TEKT1: variants seen among roughly 807,000 people sequenced by gnomAD.
TEKT1 encodes tektin 1, also known as tektin-1.
In TEKT1, 32 loss-of-function variants were observed where a neutral mutation model predicts 34.8. The observed-to-expected ratio is 0.92, with a 90% CI of 0.69 to 1.23. The LOEUF (loss-of-function observed/expected upper bound fraction) is 1.23, where lower values mean the gene tolerates loss of function less well. TEKT1 is among the 50% of genes most tolerant of loss of function. The probability of loss-of-function intolerance (pLI) is 0.00; values close to 1 mark genes in which losing one functional copy is unlikely to be tolerated. For missense variants in TEKT1, 492 were observed against 518.5 expected, an observed-to-expected ratio of 0.95 and a Z score of 0.50; for synonymous variants, 207 against 199.8, an observed-to-expected ratio of 1.04 and a Z score of -0.30.
chr17:6,822,394 C>T lies in TEKT1; in HGVS notation c.191-3036G>A, dbSNP rs532691752. ...TCAACTGATCTTCCTATTTTGGCTT[C>T]CCAAAGTGCTGGGATTCCAGGTGTG... On this transcript the variant is annotated intron_variant, in intron 2 of 7. Coordinates refer to ENST00000338694, the MANE Select transcript of TEKT1 (RefSeq NM_053285.2). Among the ~76,000 whole-genome samples the T allele has an allele frequency of 1.1e-3, 173 of 152,288 alleles. 2 individuals carry two copies. In the South Asian group the frequency reaches 0.025, roughly 22 times the overall value.
chr17:6,830,515 AATCT>A (rs1360911127), intron 1 of TEKT1, 122 bp from the exon 2 acceptor site: 1 of 721,994 alleles, frequency 1.4e-6, no homozygotes, highest in Non-Finnish European at 2.1e-6. Context: ...ACACAAAATA[AATCT>A]ATCTGTGTAG....
chr17:6,816,079 C>G, intron 3 of TEKT1, 117 bp from the exon 4 acceptor site: 1 of 1,369,934 alleles, frequency 7.3e-7, no homozygotes, highest in Non-Finnish European at 9.9e-7. Flanking sequence ...TCACCCGATC[C>G]ATCCGATGAC....
At position 6,799,096 on chromosome 17, in the gene TEKT1, T is replaced by C. The variant is rs1433073397; in HGVS notation, c.*931A>G. On this transcript the variant is annotated 3_prime_UTR_variant, in exon 8 of 8. Transcript: ENST00000338694. Reference sequence around the variant, plus strand: ...GAGCAGTTTCCCACAGCAAATGTCTTCCTTTGACAGTCACCCACATAGATC... The same window carrying C: ...GAGCAGTTTCCCACAGCAAATGTCTCCCTTTGACAGTCACCCACATAGATC... 6.6e-6 allele frequency: 1 copy of C among 152,176 alleles called. No individual in the cohort carries two copies. Among genetic ancestry groups the C allele is most frequent in the African/African-American group, 2.4e-5 (1 of 41,438 alleles). The allele number at this position is 152,176 out of a possible 1,614,324, so 9.4% of individuals were successfully genotyped here. A position where few individuals can be genotyped will look rare whatever the true frequency, so the allele number is the denominator to read the frequency against.
chr17:6,807,283 G>A (rs542497538), intron 6 of TEKT1, among the ~76,000 whole-genome samples: 40 of 151,964 alleles, frequency 2.6e-4, no homozygotes, highest in African/African-American at 7.2e-4. Flanking sequence ...TTGTGCATTC[G>A]TCACGTAGTT....
Position 6,800,878 on chromosome 17 carries a change from T to G in TEKT1, c.918A>C (p.Gln306His). 1 of 1,614,154 alleles carries G rather than the reference T, an allele frequency of 6.2e-7. No individual in the cohort carries two copies. Among genetic ancestry groups the G allele is most frequent in the South Asian group, 1.1e-5 (1 of 91,074 alleles). The change falls in exon 7 of 8, where the codon CAA (glutamine) becomes CAC (histidine). Residue 306 changes from glutamine (Q) to histidine (H), a missense_variant. Physicochemically the swap from Gln to His is conservative, Grantham distance 24. Coordinates refer to ENST00000338694, the MANE Select transcript of TEKT1 (RefSeq NM_053285.2). ...ITALEKAILD[Q>H]EGPAKVAHTR... is the part of the protein sequence containing the mutation. ...TATGAGCCACCTTGGCTGGCCCTTC[T>G]TGGTCAAGGATGGCCTTTTCAAGAG...
chr17:6,831,041 G>GAGC (rs200631797), intron 1 of TEKT1, among the ~76,000 whole-genome samples: 3,087 of 152,132 alleles, frequency 0.02, 98 homozygotes, highest in African/African-American at 0.07. Context: ...GGAGGAGGAG[G>GAGC]AGGAGGAGGA....
rs575697757 is a variant in TEKT1, at chr17:6,799,941, G to T, written c.*86C>A. ...AGAGGTTGCAGCAGGCTGGCTAGAG[G>T]CCCCGCCAGCCTGAAATGAGAGCTC... is the stretch of plus-strand genomic sequence containing the variant. On this transcript the variant is annotated 3_prime_UTR_variant, in exon 8 of 8. Transcript: ENST00000338694. 11 of 1,339,380 alleles carry T rather than the reference G, an allele frequency of 8.2e-6. No individual in the cohort carries two copies. Among genetic ancestry groups the T allele is most frequent in the African/African-American group, 1.5e-5 (1 of 68,338 alleles). 83.0% of individuals were successfully genotyped at this position (1,339,380 alleles called of 1,614,324 possible).
intron 1 of TEKT1, among the ~76,000 whole-genome samples, chr17:6,830,622 A>G (rs1904550920): frequency 6.6e-6 from 1 of 152,114 alleles, no homozygotes; most frequent in Non-Finnish European, 1.5e-5. Context: ...CAGTATCCTG[A>G]CTTTTAACAC....
At position 6,819,192 on chromosome 17, in the gene TEKT1, C is replaced by T. The variant is rs773973335; in HGVS notation, c.356+1G>A. 4 of 1,611,334 alleles carry T rather than the reference C, an allele frequency of 2.5e-6. No homozygotes were observed. The East Asian group carries it at 6.7e-5, about 27-fold the overall frequency. The stretch of plus-strand genomic sequence containing the variant: ...ATCATTTGAGGGACCTTCGCTCCTA[C>T]CTGTATGCCAGGCATGTCTCAGTGA... On this transcript the variant is annotated splice_donor_variant, in intron 3 of 7. Transcript: ENST00000338694. LOFTEE classifies it high-confidence loss of function.
intron 7 of TEKT1, 49 bp from the exon 8 acceptor site, chr17:6,800,283 C>T (rs1976752103): frequency 1.3e-6 from 2 of 1,556,178 alleles, no homozygotes; most frequent in South Asian, 1.2e-5. Context: ...CTATGCATTG[C>T]TTTTTCAAGG....
chr17:6,828,846 C>T (rs982361158), intron 2 of TEKT1, among the ~76,000 whole-genome samples: 3 of 151,982 alleles, frequency 2.0e-5, no homozygotes, highest in Middle Eastern at 3.4e-3. Flanking sequence ...TGCTAAAGAA[C>T]GCTACCTTTT....
chr17:6,828,921 C>T (rs548972587), intron 2 of TEKT1, among the ~76,000 whole-genome samples: 3 of 152,048 alleles, frequency 2.0e-5, no homozygotes, highest in South Asian at 2.1e-4. Flanking sequence ...GAGGCTGAGG[C>T]GGGCGGACCA....
At chr17:6,821,422 C>T (rs1467600827) in intron 2 of TEKT1, among the ~76,000 whole-genome samples, 3 of 152,214 alleles carry the variant, frequency 2.0e-5, no homozygotes, top group East Asian at 3.8e-4. Context: ...TTCTCTTAGC[C>T]TTCCACCATG....
intron 4 of TEKT1, 57 bp from the exon 5 acceptor site, chr17:6,815,363 G>T: frequency 2.5e-6 from 4 of 1,608,940 alleles, no homozygotes; most frequent in Non-Finnish European, 3.4e-6. Flanking sequence ...TGGCACCCAC[G>T]TCCTCAGAGA....
chr17:6,813,085 A>C (rs746652090), intron 5 of TEKT1, 32 bp from the exon 6 acceptor site: 6 of 1,589,106 alleles, frequency 3.8e-6, no homozygotes, highest in Admixed American at 1.7e-5. Flanking sequence ...CATTCACAGC[A>C]TATTTGGGGT....
chr17:6,803,991 G>A (rs181111611), intron 6 of TEKT1, among the ~76,000 whole-genome samples: 6,775 of 152,154 alleles, frequency 0.045, 221 homozygotes, highest in Admixed American at 0.064. Flanking sequence ...TTCCAATTCA[G>A]TGAAGAAAGT....
At chr17:6,815,747 T>A in intron 4 of TEKT1, 87 bp downstream of exon 4, 1 of 1,570,454 alleles carries the variant, frequency 6.4e-7, no homozygotes, top group Non-Finnish European at 8.6e-7. Context: ...CCCCTTTCTT[T>A]CTGTGCCATG....
Position 6,800,961 on chromosome 17 carries a change from A to T in TEKT1, c.853-18T>A. ...TCCATGACCTTACAAAAAGGATTAG[A>T]GTAGGTGAGGCCAAGCTGTGCTCCT... On this transcript the variant is annotated intron_variant, in intron 6 of 7. Transcript: ENST00000338694. The T allele has an allele frequency of 6.2e-7, 1 of 1,603,620 alleles. No individual in the cohort carries two copies. The highest frequency in any genetic ancestry group is 8.5e-7 in the Non-Finnish European group (1 of 1,173,768).
chr17:6,798,036 G>T lies in TEKT1; in HGVS notation c.*1991C>A, dbSNP rs570085905. On this transcript the variant is annotated 3_prime_UTR_variant, in exon 8 of 8. Coordinates refer to ENST00000338694, the MANE Select transcript of TEKT1 (RefSeq NM_053285.2). ...CTTTATTGAAATCTTAGATGTTTCC[G>T]CATTTTATGTCTACATGTTGAGAAA... 3.3e-5 allele frequency: 5 copies of T among 152,194 alleles called. No homozygotes were observed. Among genetic ancestry groups the T allele is most frequent in the African/African-American group, 1.2e-4 (5 of 41,448 alleles). The allele number at this position is 152,194 out of a possible 1,614,324, so 9.4% of individuals were successfully genotyped here. A position where few individuals can be genotyped will look rare whatever the true frequency, so the allele number is the denominator to read the frequency against.
Sources: allele counts gnomAD v4.1 joint callset (sites outside exome capture counted in the v4.1 genomes callset), GRCh38; gene constraint gnomAD v4.1.1; transcripts MANE v1.5; gene names NCBI Gene and HGNC (gene_info 2026-07-23, HGNC 2026-07-21).